Variants in GPHN observed in about 807,000 individuals in gnomAD.
GPHN encodes gephyrin.
In GPHN, 17 loss-of-function variants were observed where a neutral mutation model predicts 95.5. The ratio of observed to expected loss-of-function variants is 0.18; its 90% confidence interval spans 0.12 to 0.27. The LOEUF is 0.27. GPHN is among the 10% of genes least tolerant of loss of function. The pLI is 1.00. For synonymous variants in GPHN, 320 were observed against 322.5 expected (o/e 0.99, Z 0.08); for missense variants, 660 against 978.1 (o/e 0.67, Z 4.34).
chr14:67,301,698 C>T, the GPHN span, among the ~76,000 whole-genome samples: 2 of 152,036 alleles, frequency 1.3e-5, no homozygotes, highest in East Asian at 1.9e-4. Context: ...AAATTCTTCC[C>T]CCCTTTGGTT....
At chr14:67,267,227 T>C in the GPHN span, among the ~76,000 whole-genome samples, 1 of 152,164 alleles carries the variant, frequency 6.6e-6, no homozygotes, top group African/African-American at 2.4e-5. Flanking sequence ...ATCAGCTGAA[T>C]AGGTATAACT....
intron 2 of GPHN, 27 bp from the exon 3 acceptor site, chr14:66,776,437 G>A (rs763447347): frequency 1.5e-6 from 2 of 1,346,976 alleles, no homozygotes; most frequent in Admixed American, 3.4e-5. Context: ...TGCTGGTTTT[G>A]AGAATATTTT....
intron 13 of GPHN, among the ~76,000 whole-genome samples, chr14:67,103,890 G>C (rs1248536384): frequency 6.6e-6 from 1 of 151,870 alleles, no homozygotes; most frequent in Non-Finnish European, 1.5e-5. Context: ...GTTCTGGCTG[G>C]GACTTCCAGT....
chr14:67,555,737 G>C, the GPHN span: 2 of 1,556,318 alleles, frequency 1.3e-6, no homozygotes, highest in Non-Finnish European at 1.7e-6. Flanking sequence ...TGTGTGCAGT[G>C]TGTGCACAGT....
At chr14:67,239,061 C>T in the GPHN span, among the ~76,000 whole-genome samples, 1 of 152,194 alleles carries the variant, frequency 6.6e-6, no homozygotes. Context: ...CTATCTCACA[C>T]TCATACTAAT....
chr14:66,721,445 CACTT>C (rs1468540948), intron 2 of GPHN, among the ~76,000 whole-genome samples: 2 of 152,096 alleles, frequency 1.3e-5, no homozygotes, highest in African/African-American at 4.8e-5. Context: ...ACTCCTGAAA[CACTT>C]ATATTAATAA....
intron 10 of GPHN, among the ~76,000 whole-genome samples, chr14:67,044,130 A>C (rs1343894199): frequency 6.6e-6 from 1 of 151,984 alleles, no homozygotes; most frequent in African/African-American, 2.4e-5. Flanking sequence ...TGAGGTCAGG[A>C]GTTTGAAACC....
intron 3 of GPHN, among the ~76,000 whole-genome samples, chr14:66,811,811 G>A (rs1476111824): frequency 6.6e-6 from 1 of 152,136 alleles, no homozygotes; most frequent in Non-Finnish European, 1.5e-5. Flanking sequence ...TTGAGAATAA[G>A]CTTCATTCCA....
intron 17 of GPHN, among the ~76,000 whole-genome samples, chr14:67,128,091 T>A (rs1010220235): frequency 3.9e-5 from 6 of 152,182 alleles, no homozygotes; most frequent in Non-Finnish European, 1.5e-5. Context: ...TAAATATAGG[T>A]CTCCCCGTGG....
chr14:67,690,009 T>C, the GPHN span: 4 of 556,170 alleles, frequency 7.2e-6, no homozygotes, highest in Non-Finnish European at 1.3e-5. Flanking sequence ...AAGCCAGGCC[T>C]TCAGACTCAA....
the GPHN span, among the ~76,000 whole-genome samples, chr14:67,535,193 AAC>A: frequency 2.6e-5 from 4 of 152,140 alleles, no homozygotes; most frequent in Admixed American, 6.5e-5. Flanking sequence ...TCTCTGAGAG[AAC>A]ACACAGAAAC....
chr14:67,422,177 G>A, the GPHN span, among the ~76,000 whole-genome samples: 1 of 152,010 alleles, frequency 6.6e-6, no homozygotes, highest in African/African-American at 2.4e-5. Context: ...ATCATCCCAG[G>A]GCAAGGTATC....
chr14:66,929,946 C>G (rs1209737876), intron 8 of GPHN, among the ~76,000 whole-genome samples: 1 of 152,106 alleles, frequency 6.6e-6, no homozygotes, highest in Non-Finnish European at 1.5e-5. Context: ...CTCCTGACCA[C>G]ATGATCCGCC....
At chr14:67,639,032 C>T in the GPHN span, among the ~76,000 whole-genome samples, 6 of 150,490 alleles carry the variant, frequency 4.0e-5, no homozygotes, top group South Asian at 1.0e-3. Context: ...GATGAACCCC[C>T]GACAGAAGTT....
chr14:67,110,036 C>CTT, intron 13 of GPHN, 104 bp from the exon 14 acceptor site: 2 of 1,025,926 alleles, frequency 1.9e-6, no homozygotes, highest in Non-Finnish European at 3.0e-6. Context: ...GTAAGACTTT[C>CTT]TTTTATGGTT....
chr14:66,895,997 A>C (rs1046075146), intron 5 of GPHN, among the ~76,000 whole-genome samples: 4 of 152,172 alleles, frequency 2.6e-5, no homozygotes, highest in African/African-American at 9.6e-5. Context: ...AGGTGCCCGC[A>C]GATTCAGCGT....
chr14:67,256,055 A>G, the GPHN span, among the ~76,000 whole-genome samples: 1 of 152,028 alleles, frequency 6.6e-6, no homozygotes, highest in African/African-American at 2.4e-5. Context: ...GAAAAGTAAT[A>G]TCTTTGTGTT....
rs1340470752 is a variant in GPHN at position 67,111,761 on chromosome 14, G to A, written c.1414-100G>A. The A allele has an allele frequency of 4.7e-6, 4 of 860,182 alleles. No individual in the cohort carries two copies. The African/African-American group carries it at 4.9e-5, about 11-fold the overall frequency. 53.3% of individuals were successfully genotyped at this position (860,182 alleles called of 1,614,324 possible). ...AATAGTTTTCTTTTTGTCTATATTT[G>A]TATATATCCTGGGCCTATCTGATGG... On this transcript the variant is annotated intron_variant, in intron 14 of 22. Transcript: ENST00000478722.
chr14:67,380,727 A>C, the GPHN span: 1 of 1,581,644 alleles, frequency 6.3e-7, no homozygotes, highest in Middle Eastern at 1.7e-4. Flanking sequence ...AATAATATTA[A>C]TAGGCGCTTG....
Sources: gnomAD v4.1 joint callset for allele counts (sites outside exome capture counted in the v4.1 genomes callset) on GRCh38, gnomAD v4.1.1 for gene constraint, MANE v1.5 for transcripts, NCBI Gene and HGNC (gene_info 2026-07-23, HGNC 2026-07-21) for gene names.